ANKS1B: variants seen among roughly 807,000 people sequenced by gnomAD.
The protein encoded by ANKS1B is ankyrin repeat and sterile alpha motif domain containing 1B, also known as ankyrin repeat and sterile alpha motif domain-containing protein 1B.
In ANKS1B, 36 loss-of-function variants were observed where a neutral mutation model predicts 148.3. The observed-to-expected ratio is 0.24, with a 90% CI of 0.19 to 0.32. ANKS1B has a LOEUF of 0.32. Among genes scored for constraint, ANKS1B ranks in the 10% least tolerant of loss-of-function variants. The probability of loss-of-function intolerance (pLI) is 1.00; values close to 1 mark genes in which losing one functional copy is unlikely to be tolerated. For missense variants in ANKS1B, 1,157 were observed against 1,542.6 expected (o/e 0.75, Z 4.19); for synonymous variants, 542 against 560.8 (o/e 0.97, Z 0.47).
rs143640156 is a variant in ANKS1B at position 98,978,959 on chromosome 12, C to G, written c.2778+74198G>C. Among the ~76,000 whole-genome samples the G allele has an allele frequency of 3.5e-3, 539 of 151,938 alleles. 24 individuals are homozygous for G. The East Asian group carries it at 0.075, about 21-fold the overall frequency. On this transcript the variant is annotated intron_variant, in intron 17 of 26. Coordinates refer to ENST00000683438, the MANE Select transcript of ANKS1B (RefSeq NM_001352186.2). ...GAGATTGAGAACATCCTGGCTAACA[C>G]GGTGAAACCCATCTCTACTAAAAAT... is the stretch of plus-strand genomic sequence containing the variant.
chr12:99,424,188 G>T (rs913887310), intron 11 of ANKS1B, among the ~76,000 whole-genome samples: 3 of 151,988 alleles, frequency 2.0e-5, no homozygotes, highest in Admixed American at 6.6e-5. Context: ...TACGATGTGT[G>T]ATTATTATAT....
chr12:99,088,012 C>A (rs2153636370), intron 15 of ANKS1B, among the ~76,000 whole-genome samples: 1 of 152,218 alleles, frequency 6.6e-6, no homozygotes, highest in East Asian at 1.9e-4. Context: ...ATAAGAACAT[C>A]TTTTTGAGCC....
intron 9 of ANKS1B, among the ~76,000 whole-genome samples, chr12:99,633,338 T>C (rs2098193029): frequency 6.6e-6 from 1 of 152,202 alleles, no homozygotes; most frequent in Admixed American, 6.5e-5. Context: ...ACCACACATC[T>C]ACAACTATCT....
At chr12:99,732,062 T>C (rs2059214097) in intron 8 of ANKS1B, among the ~76,000 whole-genome samples, 1 of 152,218 alleles carries the variant, frequency 6.6e-6, no homozygotes, top group Admixed American at 6.5e-5. Flanking sequence ...TGATGTTCTA[T>C]AATATTGGTA....
At chr12:99,075,451 G>A (rs1052584761) in intron 16 of ANKS1B, among the ~76,000 whole-genome samples, 1 of 152,186 alleles carries the variant, frequency 6.6e-6, no homozygotes, top group Non-Finnish European at 1.5e-5. Context: ...TTAAACCACT[G>A]AGAATTTGGA....
chr12:98,890,701 C>T, intron 17 of ANKS1B, among the ~76,000 whole-genome samples: 2 of 152,332 alleles, frequency 1.3e-5, no homozygotes, highest in East Asian at 3.9e-4. Context: ...TAGTTACAAA[C>T]ATTATTCTAA....
chr12:98,829,212 C>T lies in ANKS1B; in HGVS notation c.3028G>A (p.Asp1010Asn), dbSNP rs374202925. 6.2e-7 allele frequency: 1 copy of T among 1,614,014 alleles called. No homozygotes were observed. The highest frequency in any genetic ancestry group is 8.5e-7 in the Non-Finnish European group (1 of 1,179,890). The change falls in exon 19 of 27, where the codon GAT becomes AAT. Residue 1010 changes from aspartate (D) to asparagine (N), a missense_variant. Around this residue, in one of 6 missense-constraint regions of ANKS1B, gnomAD observed 258 missense variants for 497.0 expected, o/e 0.52. Transcript: ENST00000683438. This position sits in a 1 kb window ranked among gnomAD's most constrained non-coding sequence, Gnocchi z 5.2. The stretch of plus-strand genomic sequence containing the variant: ...CTCTCCAGTTTTGATCGGGGAATAT[C>T]ATCAAAGTAGTTTTCATTTCTTCTC... Reference protein sequence around the residue: ...RRRRNENYFDDIPRSKLERQM... With the variant: ...RRRRNENYFDNIPRSKLERQM...
intron 12 of ANKS1B, among the ~76,000 whole-genome samples, chr12:99,262,653 G>A (rs1307278162): frequency 2.0e-5 from 3 of 151,358 alleles, no homozygotes; most frequent in African/African-American, 4.9e-5. Flanking sequence ...ATGAAAATAA[G>A]ATCACTCTGT....
chr12:99,055,348 C>T (rs755802761), intron 16 of ANKS1B, among the ~76,000 whole-genome samples: 6 of 152,126 alleles, frequency 3.9e-5, no homozygotes, highest in South Asian at 2.1e-4. Flanking sequence ...GAGGTCTTGC[C>T]GTTGGCCCAT....
chr12:99,674,035 A>C (rs2153473088), intron 8 of ANKS1B, among the ~76,000 whole-genome samples: 1 of 151,938 alleles, frequency 6.6e-6, no homozygotes, highest in African/African-American at 2.4e-5. Context: ...ATCAAAAATT[A>C]AAACAACTAA....
At chr12:98,954,149 T>C (rs1417145226) in intron 17 of ANKS1B, among the ~76,000 whole-genome samples, 1 of 152,220 alleles carries the variant, frequency 6.6e-6, no homozygotes, top group Non-Finnish European at 1.5e-5. Flanking sequence ...ATGAAACACT[T>C]GTCTGTCCCA....
intron 9 of ANKS1B, among the ~76,000 whole-genome samples, chr12:99,586,788 G>A (rs1460186111): frequency 1.3e-5 from 2 of 152,120 alleles, no homozygotes; most frequent in African/African-American, 2.4e-5. Context: ...GTGGTTGCAG[G>A]CAAAGAGTAT....
intron 8 of ANKS1B, among the ~76,000 whole-genome samples, chr12:99,771,112 G>T (rs534611492): frequency 3.9e-5 from 6 of 152,108 alleles, no homozygotes; most frequent in African/African-American, 1.4e-4. Context: ...CTTGAATCAT[G>T]GTCTCCAAGC....
chr12:99,049,253 C>T (rs182432621), intron 17 of ANKS1B: 1 of 151,984 alleles, frequency 6.6e-6, no homozygotes, highest in Non-Finnish European at 1.5e-5. Flanking sequence ...AGTAATTATT[C>T]TTCTTGGTTA....
chr12:99,883,526 AT>A (rs776116827), intron 1 of ANKS1B, among the ~76,000 whole-genome samples: 7 of 152,212 alleles, frequency 4.6e-5, no homozygotes, highest in African/African-American at 1.7e-4. Context: ...CATAAAAAAA[AT>A]TTTGATAAAT....
At chr12:99,019,844 C>T (rs1192783205) in intron 17 of ANKS1B, among the ~76,000 whole-genome samples, 1 of 151,938 alleles carries the variant, frequency 6.6e-6, no homozygotes, top group East Asian at 1.9e-4. Flanking sequence ...AGATTTTGCC[C>T]AAAATTATTT....
At chr12:99,509,156 C>A (rs2096739689) in intron 9 of ANKS1B, among the ~76,000 whole-genome samples, 2 of 151,752 alleles carry the variant, frequency 1.3e-5, no homozygotes, top group African/African-American at 4.8e-5. Context: ...ACCAGCCATT[C>A]CCCTGTCTCA....
At chr12:99,089,831 T>A (rs2053432725) in intron 15 of ANKS1B, among the ~76,000 whole-genome samples, 1 of 152,200 alleles carries the variant, frequency 6.6e-6, no homozygotes, top group Non-Finnish European at 1.5e-5. Flanking sequence ...TATTTTTGAC[T>A]TTCTTAGCAT....
intron 14 of ANKS1B, among the ~76,000 whole-genome samples, chr12:99,206,664 C>CT (rs1243995985): frequency 6.6e-6 from 1 of 152,062 alleles, no homozygotes; most frequent in Non-Finnish European, 1.5e-5. Context: ...AGGTTTGCTT[C>CT]TTTTTTAGAG....
Sources: gnomAD v4.1 joint callset for allele counts (sites outside exome capture counted in the v4.1 genomes callset) on GRCh38, gnomAD v4.1.1 for gene constraint, gnomAD v4.1.1 regional missense constraint, Gnocchi (gnomAD v3.1) non-coding constraint, MANE v1.5 for transcripts, NCBI Gene and HGNC (gene_info 2026-07-23, HGNC 2026-07-21) for gene names.